ANO3: variants seen among roughly 807,000 people sequenced by gnomAD.
The protein encoded by ANO3 is anoctamin 3.
In ANO3, 99 loss-of-function variants were observed where a neutral mutation model predicts 144.8. That is an observed-to-expected ratio of 0.68 (90% confidence interval 0.58 to 0.81). ANO3 has a LOEUF of 0.81. Among genes scored for constraint, ANO3 ranks in the 30% least tolerant of loss-of-function variants. The probability of loss-of-function intolerance (pLI) is 0.00; values close to 1 mark genes in which losing one functional copy is unlikely to be tolerated. For missense variants in ANO3, 905 were observed against 1,202.2 expected (o/e 0.75, Z 3.66); for synonymous variants, 414 against 392.6 (o/e 1.05, Z -0.64).
chr11:26,466,136 T>C (rs1227100392), intron 4 of ANO3, among the ~76,000 whole-genome samples: 1 of 151,970 alleles, frequency 6.6e-6, no homozygotes, highest in Non-Finnish European at 1.5e-5. Context: ...TTAGGACCAA[T>C]ATGGCAAACA....
intron 1 of ANO3, among the ~76,000 whole-genome samples, chr11:26,415,531 A>G (rs1177488609): frequency 6.6e-6 from 1 of 152,140 alleles, no homozygotes; most frequent in Non-Finnish European, 1.5e-5. Flanking sequence ...CTAGTAGGAC[A>G]GTCTTTTGAA....
chr11:26,474,601 G>A (rs979274218), intron 4 of ANO3, among the ~76,000 whole-genome samples: 2 of 151,894 alleles, frequency 1.3e-5, no homozygotes, highest in African/African-American at 2.4e-5. Flanking sequence ...CATCAGGTAC[G>A]AAGTTCACTA....
chr11:26,451,225 C>T (rs184922016), intron 3 of ANO3, among the ~76,000 whole-genome samples: 2 of 152,186 alleles, frequency 1.3e-5, no homozygotes, highest in Non-Finnish European at 2.9e-5. Flanking sequence ...GAGTGCCAGA[C>T]AGTGGGCGCA....
chr11:26,274,766 G>A (rs1037801180), intron 1 of ANO3, among the ~76,000 whole-genome samples: 8 of 152,056 alleles, frequency 5.3e-5, no homozygotes, highest in African/African-American at 1.4e-4. Context: ...TTCAAATAAA[G>A]TAAGCAGAGA....
chr11:26,291,694 C>A (rs1853962030), intron 1 of ANO3, among the ~76,000 whole-genome samples: 1 of 152,172 alleles, frequency 6.6e-6, no homozygotes. Context: ...ATATGAAATT[C>A]TGGGTTGAAA....
chr11:26,211,906 C>T (rs1406780434), intron 1 of ANO3, among the ~76,000 whole-genome samples: 1 of 151,654 alleles, frequency 6.6e-6, no homozygotes, highest in Non-Finnish European at 1.5e-5. Context: ...TTCACCTTTG[C>T]AGGGACATAG....
chr11:26,286,859 T>C (rs1179041549), intron 1 of ANO3, among the ~76,000 whole-genome samples: 1 of 152,200 alleles, frequency 6.6e-6, no homozygotes, highest in Non-Finnish European at 1.5e-5. Context: ...CAAACTATCT[T>C]TTTAGAGTCG....
At chr11:26,595,797 T>C (rs565311720) in intron 14 of ANO3, among the ~76,000 whole-genome samples, 28 of 152,340 alleles carry the variant, frequency 1.8e-4, no homozygotes, top group African/African-American at 6.5e-4. Context: ...CCGCATACTT[T>C]AAGATTTTTG....
intron 1 of ANO3, among the ~76,000 whole-genome samples, chr11:26,392,680 T>C (rs1215977787): frequency 6.6e-6 from 1 of 152,254 alleles, no homozygotes; most frequent in African/African-American, 2.4e-5. Flanking sequence ...TACTATAAAA[T>C]GACCTTTATC....
chr11:26,606,486 A>G (rs940286589), intron 17 of ANO3, among the ~76,000 whole-genome samples: 4 of 152,122 alleles, frequency 2.6e-5, no homozygotes, highest in African/African-American at 9.7e-5. Flanking sequence ...TATCCTTATT[A>G]ATTTTCTGTC....
chr11:26,245,473 G>C (rs1348117834), intron 1 of ANO3, among the ~76,000 whole-genome samples: 1 of 152,042 alleles, frequency 6.6e-6, no homozygotes, highest in Non-Finnish European at 1.5e-5. Context: ...CTGTTTCTTA[G>C]ATTACTTTCT....
At chr11:26,348,334 T>C (rs1855548161) in intron 1 of ANO3, among the ~76,000 whole-genome samples, 1 of 152,230 alleles carries the variant, frequency 6.6e-6, no homozygotes, top group Non-Finnish European at 1.5e-5. Context: ...TCATGTTATA[T>C]ACATTAAACC....
At chr11:26,373,729 C>G (rs552491674) in intron 1 of ANO3, among the ~76,000 whole-genome samples, 1 of 152,230 alleles carries the variant, frequency 6.6e-6, no homozygotes, top group Non-Finnish European at 1.5e-5. Context: ...CACAAAGACA[C>G]AAACACGTTG....
At chr11:26,500,069 T>C (rs1051367074) in intron 4 of ANO3, among the ~76,000 whole-genome samples, 3 of 151,568 alleles carry the variant, frequency 2.0e-5, no homozygotes, top group African/African-American at 2.4e-5. Flanking sequence ...TAATTGTGTA[T>C]GTGTGTGAGT....
chr11:26,296,927 G>A (rs1447167510), intron 1 of ANO3, among the ~76,000 whole-genome samples: 1 of 152,028 alleles, frequency 6.6e-6, no homozygotes, highest in Admixed American at 6.6e-5. Context: ...AATTCCTAAT[G>A]TTATATATGA....
At chr11:26,454,599 A>T (rs1215975171) in intron 3 of ANO3, among the ~76,000 whole-genome samples, 1 of 151,892 alleles carries the variant, frequency 6.6e-6, no homozygotes, top group African/African-American at 2.4e-5. Context: ...CTTACCAACC[A>T]AAAAGAGTCC....
At chr11:26,538,795 A>G (rs1849573733) in intron 10 of ANO3, among the ~76,000 whole-genome samples, 1 of 152,180 alleles carries the variant, frequency 6.6e-6, no homozygotes, top group Admixed American at 6.6e-5. Flanking sequence ...ACACAAAACA[A>G]TGTTGTTGAA....
chr11:26,193,574 A>G (rs189438744), intron 1 of ANO3, among the ~76,000 whole-genome samples: 5 of 152,316 alleles, frequency 3.3e-5, no homozygotes, highest in Non-Finnish European at 2.9e-5. Flanking sequence ...TGAGATCTCA[A>G]AAGCAAATAT....
chr11:26,589,335 A>AT (rs1276472948), intron 14 of ANO3, among the ~76,000 whole-genome samples: 1 of 141,110 alleles, frequency 7.1e-6, no homozygotes, highest in East Asian at 2.0e-4. Flanking sequence ...TGAACATTGT[A>AT]TTTTTTTTCT....
Sources: gnomAD v4.1 joint callset for allele counts (sites outside exome capture counted in the v4.1 genomes callset) on GRCh38, gnomAD v4.1.1 for gene constraint, MANE v1.5 for transcripts, NCBI Gene and HGNC (gene_info 2026-07-23, HGNC 2026-07-21) for gene names.